The following ADGRD1 variants were observed in gnomAD, a reference collection of about 807,000 sequenced individuals.
The protein encoded by ADGRD1 is adhesion G protein-coupled receptor D1, also known as G-protein coupled receptor 133.
In ADGRD1, 77 loss-of-function variants were observed where a neutral mutation model predicts 113.4. The ratio of observed to expected loss-of-function variants is 0.68; its 90% confidence interval spans 0.57 to 0.82. ADGRD1 has a LOEUF of 0.82. Ranked by LOEUF, ADGRD1 falls within the 40% of genes least tolerant of loss-of-function variation. The pLI is 0.00. For missense variants in ADGRD1, 1,036 were observed against 1,139.1 expected (o/e 0.91, Z 1.30); for synonymous variants, 474 against 475.0 (o/e 1.00, Z 0.03).
rs1160148877 is a variant in ADGRD1, at chr12:130,984,558, C to A, written c.490+2495C>A. Among the ~76,000 whole-genome samples the A allele has an allele frequency of 6.6e-6, 1 of 152,152 alleles. No individual in the cohort carries two copies. The highest frequency in any genetic ancestry group is 1.5e-5 in the Non-Finnish European group (1 of 68,018). ...CCATTACCCTCCGCCTCTACACAGG[C>A]ACAGCTTCCCCCACTATGGACATTC... On this transcript the variant is annotated intron_variant, in intron 5 of 24. Transcript: ENST00000261654. This position sits in a 1 kb window ranked among gnomAD's most constrained non-coding sequence, Gnocchi z 4.1.
intron 5 of ADGRD1, 122 bp downstream of exon 5, chr12:130,982,185 C>T (rs748099405): frequency 3.3e-5 from 27 of 823,456 alleles, no homozygotes; most frequent in Admixed American, 1.1e-4. Context: ...TCCTGGCACC[C>T]GAGCTCCTTT....
chr12:131,025,523 C>T (rs1879833960), intron 13 of ADGRD1: 1 of 151,466 alleles, frequency 6.6e-6, no homozygotes. Context: ...TCTTGAGGCC[C>T]GAGGCTGAGA....
rs746022789 is a variant in ADGRD1 at position 131,075,500 on chromosome 12, T to C, written c.1474-1301T>C. 2.6e-5 allele frequency among the ~76,000 whole-genome samples: 4 copies of C among 152,148 alleles called. No homozygotes were observed. Among genetic ancestry groups the C allele is most frequent in the Non-Finnish European group, 5.9e-5 (4 of 68,022 alleles). ...ACCCTGTGATGGATTAAAATAACCC[T>C]AAGATACGGGGCGGCAGGGGTGGGG... On this transcript the variant is annotated intron_variant, in intron 13 of 24. Coordinates refer to ENST00000261654, the MANE Select transcript of ADGRD1 (RefSeq NM_198827.5). The surrounding 1 kb of genome is among the most constrained non-coding windows in gnomAD (Gnocchi z 5.3).
chr12:131,127,120 G>GAA (rs111265523), intron 20 of ADGRD1, among the ~76,000 whole-genome samples: 4 of 150,042 alleles, frequency 2.7e-5, no homozygotes, highest in Non-Finnish European at 4.4e-5. Flanking sequence ...CAGGCTAAAA[G>GAA]AAAAAAAAAG....
At chr12:131,069,482 C>T (rs949408319) in intron 13 of ADGRD1, 3 of 152,326 alleles carry the variant, frequency 2.0e-5, no homozygotes, top group African/African-American at 7.2e-5. Context: ...AATTGAATGA[C>T]TTCACTCATG....
Position 131,004,263 on chromosome 12 carries a change from A to T in ADGRD1, c.1222A>T (p.Ile408Phe). ...YRFPAHGQSF[I>F]QIPHEAFHRH... is the part of the protein sequence containing the mutation. ...CTTCCCGGCCCACGGGCAGAGCTTC[A>T]TCCAGATCCCCCACGAGGCCTTCCA... Residue 408 changes from isoleucine to phenylalanine, a missense_variant, in exon 11 of 25, where the codon ATC (isoleucine) becomes TTC (phenylalanine). Coordinates refer to ENST00000261654, the MANE Select transcript of ADGRD1 (RefSeq NM_198827.5). 1 of 1,613,466 alleles carries T rather than the reference A, an allele frequency of 6.2e-7. No individual in the cohort carries two copies. Among genetic ancestry groups the T allele is most frequent in the Non-Finnish European group, 8.5e-7 (1 of 1,179,790 alleles).
At chr12:131,035,116 G>A (rs11061294) in intron 13 of ADGRD1, 70,478 of 152,736 alleles carry the variant, frequency 0.46, 19,172 homozygotes, top group Non-Finnish European at 0.61. Flanking sequence ...TCCTCTGTCC[G>A]TGCCCTCACC....
At chr12:131,066,706 G>T (rs1211594744) in intron 13 of ADGRD1, among the ~76,000 whole-genome samples, 1 of 152,220 alleles carries the variant, frequency 6.6e-6, no homozygotes, top group South Asian at 2.1e-4. Flanking sequence ...GGAGCAGCAC[G>T]TGGGAGGCCT....
chr12:131,067,280 A>G (rs1151353), intron 13 of ADGRD1, among the ~76,000 whole-genome samples: 151,018 of 152,302 alleles, frequency 0.99, 74,880 homozygotes, highest in Middle Eastern at 1. Context: ...AGCTGGAGCT[A>G]GAATGGAGGA....
intron 13 of ADGRD1, among the ~76,000 whole-genome samples, chr12:131,016,875 A>C (rs1168237321): frequency 1.4e-5 from 2 of 142,696 alleles, no homozygotes; most frequent in East Asian, 4.1e-4. Flanking sequence ...CCTGGGCGAT[A>C]GAGTGAGACT....
intron 2 of ADGRD1, among the ~76,000 whole-genome samples, chr12:130,958,498 C>T (rs1869951324): frequency 6.6e-6 from 1 of 152,172 alleles, no homozygotes; most frequent in African/African-American, 2.4e-5. Context: ...CCGCACCCAG[C>T]CCCAGTCCTT....
chr12:130,963,422 C>T (rs896270571), intron 2 of ADGRD1, among the ~76,000 whole-genome samples: 1 of 151,724 alleles, frequency 6.6e-6, no homozygotes, highest in Non-Finnish European at 1.5e-5. Flanking sequence ...CTCAGCTTTT[C>T]GATTTCTTCA....
rs1165626180 is a variant in ADGRD1 at position 130,954,954 on chromosome 12, T to A, written c.103+294T>A. ...AATGCCTTCTGCCTCTTTCTTTCTC[T>A]CTTTCTCTCTTTCTTCCTTTCTTCC... On this transcript the variant is annotated intron_variant, in intron 2 of 24. Coordinates refer to ENST00000261654, the MANE Select transcript of ADGRD1 (RefSeq NM_198827.5). The surrounding 1 kb of genome is among the most constrained non-coding windows in gnomAD (Gnocchi z 4.7). 6.6e-6 allele frequency among the ~76,000 whole-genome samples: 1 copy of A among 151,770 alleles called. No homozygotes were observed. The highest frequency in any genetic ancestry group is 1.9e-4 in the East Asian group (1 of 5,156).
chr12:131,089,686 T>C (rs1886772464), intron 15 of ADGRD1, among the ~76,000 whole-genome samples: 2 of 152,256 alleles, frequency 1.3e-5, no homozygotes, highest in South Asian at 4.1e-4. Flanking sequence ...TCCCTGCCTG[T>C]GGATGCTCCC....
At chr12:131,062,834 A>G (rs754918659) in intron 13 of ADGRD1, among the ~76,000 whole-genome samples, 2 of 152,202 alleles carry the variant, frequency 1.3e-5, no homozygotes, top group Non-Finnish European at 2.9e-5. Flanking sequence ...AAAATCTTCC[A>G]AACTATTTTC....
chr12:131,059,262 C>G (rs181395971), intron 13 of ADGRD1, among the ~76,000 whole-genome samples: 1 of 152,068 alleles, frequency 6.6e-6, no homozygotes, highest in Admixed American at 6.6e-5. Context: ...TGCAGCCAGC[C>G]CCCCAGGTTC....
At chr12:131,008,876 A>G (rs1414584390) in intron 12 of ADGRD1, among the ~76,000 whole-genome samples, 1 of 152,206 alleles carries the variant, frequency 6.6e-6, no homozygotes, top group Non-Finnish European at 1.5e-5. Context: ...TGCTCGAGAA[A>G]GATGAGTGGG....
At chr12:131,072,258 G>A (rs1885245170) in intron 13 of ADGRD1, among the ~76,000 whole-genome samples, 1 of 152,190 alleles carries the variant, frequency 6.6e-6, no homozygotes, top group South Asian at 2.1e-4. Context: ...GAGGGACACA[G>A]TTTAGAGTCC....
chr12:131,019,828 A>G (rs1234207878), intron 13 of ADGRD1, among the ~76,000 whole-genome samples: 12 of 73,390 alleles, frequency 1.6e-4, no homozygotes, highest in East Asian at 1.4e-3. Flanking sequence ...CCAGGGAGAT[A>G]TTCCAGGGGC....
Sources: gnomAD v4.1 joint callset for allele counts (sites outside exome capture counted in the v4.1 genomes callset) on GRCh38, gnomAD v4.1.1 for gene constraint, Gnocchi (gnomAD v3.1) non-coding constraint, MANE v1.5 for transcripts, NCBI Gene and HGNC (gene_info 2026-07-23, HGNC 2026-07-21) for gene names.